KDM4B: variants seen among roughly 807,000 people sequenced by gnomAD.
KDM4B encodes lysine-specific demethylase 4B.
Under a neutral mutation model 125.2 loss-of-function variants are expected in KDM4B, and 32 were observed. That is an observed-to-expected ratio of 0.26 (90% CI 0.19 to 0.34). The LOEUF is 0.34. Among genes scored for constraint, KDM4B ranks in the 10% least tolerant of loss-of-function variants. The pLI is 1.00. For synonymous variants in KDM4B, 721 were observed against 677.9 expected (o/e 1.06, Z -0.99); for missense variants, 1,190 against 1,577.7 (o/e 0.75, Z 4.16).
chr19:5,029,975 G>C (rs1320948162), intron 2 of KDM4B, among the ~76,000 whole-genome samples: 1 of 152,224 alleles, frequency 6.6e-6, no homozygotes, highest in Non-Finnish European at 1.5e-5. Flanking sequence ...CCCAGCGTGG[G>C]TTTTGATGCG....
intron 6 of KDM4B, among the ~76,000 whole-genome samples, chr19:5,066,740 A>G (rs554168550): frequency 1.8e-3 from 270 of 152,304 alleles, no homozygotes; most frequent in Non-Finnish European, 3.2e-3. Context: ...TACCAGGTAT[A>G]TGGCTCCAGA....
In KDM4B at chr19:4,978,244, C is replaced by T. The variant is rs187473673; in HGVS notation, c.-109+9014C>T. Among the ~76,000 whole-genome samples, 216 of 152,168 alleles carry T rather than the reference C, an allele frequency of 1.4e-3. 1 individual carries two copies. Among genetic ancestry groups the T allele is most frequent in the African/African-American group, 4.6e-3 (192 of 41,540 alleles). ...CATCTTGGCCAGGCACAGTGGCTCA[C>T]GCCTGTCATCCCAGCACTTTGGGAG... On this transcript the variant is annotated intron_variant, in intron 1 of 22. Transcript: ENST00000159111.
chr19:4,974,214 C>T (rs1391159807), intron 1 of KDM4B, among the ~76,000 whole-genome samples: 26 of 151,688 alleles, frequency 1.7e-4, no homozygotes, highest in Admixed American at 1.2e-3. Flanking sequence ...TGGCTAACAC[C>T]GTGAAACCCC....
At position 5,056,150 on chromosome 19, in the gene KDM4B, T is replaced by C. The variant is rs186536178; in HGVS notation, c.626+8481T>C. Among the ~76,000 whole-genome samples the C allele has an allele frequency of 2.4e-3, 363 of 152,294 alleles. 6 individuals carry two copies. The highest frequency in any genetic ancestry group is 2.3e-3 in the Non-Finnish European group (158 of 68,030). The stretch of plus-strand genomic sequence containing the variant: ...TAATCTGTATGTCCCCTAATCAGCA[T>C]GTCTGATGTTTTTCTTGTGGTTAGA... On this transcript the variant is annotated intron_variant, in intron 6 of 22. Coordinates refer to ENST00000159111, the MANE Select transcript of KDM4B (RefSeq NM_015015.3).
At chr19:5,102,258 C>T (rs1041638727) in intron 9 of KDM4B, among the ~76,000 whole-genome samples, 4 of 152,244 alleles carry the variant, frequency 2.6e-5, no homozygotes, top group African/African-American at 4.8e-5. Flanking sequence ...AAGGCACTTT[C>T]TCGTGGCTTC....
intron 1 of KDM4B, among the ~76,000 whole-genome samples, chr19:5,011,665 T>A (rs2035732010): frequency 6.6e-6 from 1 of 152,198 alleles, no homozygotes; most frequent in Non-Finnish European, 1.5e-5. Flanking sequence ...ATCCCTTCTT[T>A]CTGGTTCAGA....
At chr19:5,020,090 GGTGTGCAGGTGTTA>G (rs1266902797) in intron 2 of KDM4B, among the ~76,000 whole-genome samples, 45 of 144,528 alleles carry the variant, frequency 3.1e-4, no homozygotes, top group East Asian at 6.4e-4. Context: ...TGTGGATGTT[GGTGTGCAGGTGTTA>G]GTGTGCAGGT....
intron 1 of KDM4B, among the ~76,000 whole-genome samples, chr19:5,011,979 A>G (rs1329920733): frequency 6.6e-6 from 1 of 152,174 alleles, no homozygotes; most frequent in East Asian, 1.9e-4. Flanking sequence ...GGCTGCCCTC[A>G]GGGTCAGCAC....
intron 11 of KDM4B, among the ~76,000 whole-genome samples, chr19:5,123,610 T>C (rs1010137983): frequency 2.6e-5 from 4 of 152,250 alleles, no homozygotes; most frequent in Non-Finnish European, 2.9e-5. Flanking sequence ...AGGGGCTTCC[T>C]GCAGGGCAGG....
intron 1 of KDM4B, among the ~76,000 whole-genome samples, chr19:4,990,215 A>C (rs2034989263): frequency 6.6e-6 from 1 of 152,128 alleles, no homozygotes; most frequent in Non-Finnish European, 1.5e-5. Context: ...GCTTGAACCC[A>C]GGAGGTTGAG....
chr19:5,128,669 G>C (rs2039490180), intron 11 of KDM4B, among the ~76,000 whole-genome samples: 1 of 152,138 alleles, frequency 6.6e-6, no homozygotes, highest in Non-Finnish European at 1.5e-5. Context: ...TCCAGCCCTG[G>C]TGAAGCTTCC....
chr19:5,070,244 G>A (rs1298815920), intron 6 of KDM4B, among the ~76,000 whole-genome samples: 1 of 152,134 alleles, frequency 6.6e-6, no homozygotes, highest in Admixed American at 6.5e-5. Flanking sequence ...GCTGGGTGGT[G>A]TCCCCGTTGG....
chr19:5,056,791 C>T (rs1023069521), intron 6 of KDM4B, among the ~76,000 whole-genome samples: 1 of 151,100 alleles, frequency 6.6e-6, no homozygotes, highest in African/African-American at 2.4e-5. Context: ...ATGTGTCACT[C>T]GAGGAGTGTG....
intron 7 of KDM4B, among the ~76,000 whole-genome samples, chr19:5,071,503 C>T (rs2037947268): frequency 1.3e-5 from 2 of 152,380 alleles, no homozygotes; most frequent in Admixed American, 6.5e-5. Context: ...GGTGGCCGCA[C>T]GGCGTTTGCC....
rs373086390 is a variant in KDM4B at position 5,038,520 on chromosome 19, C to T, written c.142-1316C>T. Among the ~76,000 whole-genome samples, 926 of 152,316 alleles carry T rather than the reference C, an allele frequency of 6.1e-3. 12 individuals carry two copies. Among genetic ancestry groups the T allele is most frequent in the African/African-American group, 0.021 (872 of 41,554 alleles). ...CTAAATTAGTGAAGGCACCGGGTTC[C>T]GGCTGCAGTGCCGCCTCTGACAGGT... On this transcript the variant is annotated intron_variant, in intron 3 of 22. Transcript: ENST00000159111.
At chr19:5,053,198 T>A (rs955102462) in intron 6 of KDM4B, among the ~76,000 whole-genome samples, 1 of 152,180 alleles carries the variant, frequency 6.6e-6, no homozygotes, top group Non-Finnish European at 1.5e-5. Context: ...CTCCCTCCTC[T>A]CCTTGCCACC....
intron 4 of KDM4B, 40 bp downstream of exon 4, chr19:5,040,051 G>C: frequency 1.5e-5 from 23 of 1,570,670 alleles, no homozygotes; most frequent in Non-Finnish European, 2.0e-5. Context: ...CCCCGCCCCC[G>C]GGGGCACACC....
intron 1 of KDM4B, among the ~76,000 whole-genome samples, chr19:4,989,844 G>T (rs1470817452): frequency 6.6e-6 from 1 of 152,100 alleles, no homozygotes; most frequent in East Asian, 1.9e-4. Flanking sequence ...GTAGAGATAG[G>T]GTTTCACCTT....
chr19:5,003,693 C>T (rs1599392200), intron 1 of KDM4B, among the ~76,000 whole-genome samples: 1 of 151,968 alleles, frequency 6.6e-6, no homozygotes, highest in East Asian at 1.9e-4. Context: ...CCTGTAATCC[C>T]AGCTACTTGG....
Sources: gnomAD v4.1 joint callset for allele counts (sites outside exome capture counted in the v4.1 genomes callset) on GRCh38, gnomAD v4.1.1 for gene constraint, MANE v1.5 for transcripts, NCBI Gene and HGNC (gene_info 2026-07-23, HGNC 2026-07-21) for gene names.